GATB: variants seen among roughly 807,000 people sequenced by gnomAD.
GATB encodes the protein glutamyl-tRNA amidotransferase subunit B, also known as glutamyl-tRNA(Gln) amidotransferase subunit B, mitochondrial.
Under a neutral mutation model 62.3 loss-of-function variants are expected in GATB, and 39 were observed. The ratio of observed to expected loss-of-function variants is 0.63; its 90% CI spans 0.48 to 0.82. The LOEUF is 0.82. GATB is among the 40% of genes least tolerant of loss of function. The probability of loss-of-function intolerance (pLI) is 0.00; values close to 1 mark genes in which losing one functional copy is unlikely to be tolerated. For synonymous variants in GATB, 276 were observed against 258.9 expected, an observed-to-expected ratio of 1.07 and a Z score of -0.63; for missense variants, 670 against 684.0, an observed-to-expected ratio of 0.98 and a Z score of 0.23.
intron 2 of GATB, among the ~76,000 whole-genome samples, chr4:151,757,754 G>A (rs1739865110): frequency 6.6e-6 from 1 of 152,012 alleles, no homozygotes; most frequent in South Asian, 2.1e-4. Context: ...TGGGATTACA[G>A]GCGTGAGCCA....
rs1739561384 is a variant in GATB at position 151,744,699 on chromosome 4, A to T, written c.327+14073T>A. Among the ~76,000 whole-genome samples the T allele has an allele frequency of 2.0e-5, 3 of 152,206 alleles. No individual in the cohort carries two copies. In the South Asian group the frequency reaches 6.2e-4, roughly 31 times the overall value. Reference sequence around the variant, plus strand: ...GGTAGGGAAGTGAAAATTGCTGTGAAGAGAGAGGCTTTCAAGAACCCACTG... The same window carrying T: ...GGTAGGGAAGTGAAAATTGCTGTGATGAGAGAGGCTTTCAAGAACCCACTG... On this transcript the variant is annotated intron_variant, in intron 2 of 12. Transcript: ENST00000263985.
At chr4:151,755,343 T>C (rs1171319802) in intron 2 of GATB, among the ~76,000 whole-genome samples, 1 of 152,238 alleles carries the variant, frequency 6.6e-6, no homozygotes, top group Non-Finnish European at 1.5e-5. Context: ...AATGTTGTAC[T>C]GTACTGATGT....
chr4:151,723,852 ACAGTGG>A (rs1260869010), intron 2 of GATB: 5 of 152,258 alleles, frequency 3.3e-5, no homozygotes, highest in Non-Finnish European at 5.9e-5. Flanking sequence ...AGATAAATAC[ACAGTGG>A]GTGGCCAACA....
intron 10 of GATB, among the ~76,000 whole-genome samples, chr4:151,681,706 T>A (rs1391092718): frequency 6.6e-6 from 1 of 152,184 alleles, no homozygotes; most frequent in Non-Finnish European, 1.5e-5. Context: ...AAAGACGACA[T>A]GGCTTATAAA....
intron 5 of GATB, among the ~76,000 whole-genome samples, chr4:151,715,163 C>T (rs933752999): frequency 2.0e-5 from 3 of 152,222 alleles, no homozygotes; most frequent in African/African-American, 7.2e-5. Flanking sequence ...ATTTCCTGGG[C>T]ACCTGCTGTG....
Position 151,708,078 on chromosome 4 carries a change from T to G in GATB, c.787A>C (p.Asn263His). The part of the protein sequence containing the change: ...MAEGQLRVDA[N>H]ISVHHPGEPL... ...TCCCCAGGGTGATGCACGGATATAT[T>G]GGCATCCACTCTCAACTGGCCCTCT... Residue 263 changes from asparagine to histidine, a missense_variant, in exon 6 of 13, where the codon AAT becomes CAT. Asn to His is a moderately conservative substitution (Grantham distance 68). Transcript: ENST00000263985. 6.2e-7 allele frequency: 1 copy of G among 1,613,410 alleles called. No individual in the cohort carries two copies. The highest frequency in any genetic ancestry group is 8.5e-7 in the Non-Finnish European group (1 of 1,179,326).
chr4:151,681,016 A>G (rs1165363211), intron 10 of GATB, among the ~76,000 whole-genome samples: 4 of 152,224 alleles, frequency 2.6e-5, no homozygotes, highest in Non-Finnish European at 4.4e-5. Context: ...TTAGTGTTAC[A>G]CTGTGTAAAT....
chr4:151,672,930 G>A (rs1395302647), intron 11 of GATB, 34 bp from the exon 12 acceptor site: 7 of 1,611,200 alleles, frequency 4.3e-6, no homozygotes, highest in Non-Finnish European at 5.1e-6. Flanking sequence ...AAAGAGAAAT[G>A]AGAAGTCAGC....
intron 2 of GATB, chr4:151,724,523 C>T (rs756310325): frequency 9.9e-5 from 15 of 152,198 alleles, no homozygotes; most frequent in Non-Finnish European, 1.8e-4. Flanking sequence ...CTTCAATGCT[C>T]TTTGTGGTCT....
In GATB at chr4:151,672,821, G is replaced by C; in HGVS notation, c.1486C>G (p.Gln496Glu). 2 of 1,614,162 alleles carry C rather than the reference G, an allele frequency of 1.2e-6. No individual in the cohort carries two copies. Among genetic ancestry groups the C allele is most frequent in the Non-Finnish European group, 8.5e-7 (1 of 1,180,012 alleles). The change falls in exon 12 of 13, where the codon CAG becomes GAG. Residue 496 changes from glutamine to glutamate, a missense_variant. Physicochemically the swap from Gln to Glu is conservative, Grantham distance 29. Coordinates refer to ENST00000263985, the MANE Select transcript of GATB (RefSeq NM_004564.3). ...IVSEKQLELM[Q>E]DQGALEQLCH... ...AGCTGCTCCAGTGCCCCCTGGTCCTGCATCAGTTCAAGCTGCTTTTCTGAA... is the reference window on the plus strand; with the variant it reads ...AGCTGCTCCAGTGCCCCCTGGTCCTCCATCAGTTCAAGCTGCTTTTCTGAA...
chr4:151,713,987 T>A (rs1174017580), intron 5 of GATB, among the ~76,000 whole-genome samples: 2 of 152,230 alleles, frequency 1.3e-5, no homozygotes, highest in Admixed American at 1.3e-4. Flanking sequence ...AAATTAATTT[T>A]AAAATGCCTA....
intron 2 of GATB, among the ~76,000 whole-genome samples, chr4:151,741,046 C>A (rs896939583): frequency 1.3e-5 from 2 of 152,092 alleles, no homozygotes; most frequent in Non-Finnish European, 2.9e-5. Flanking sequence ...TACAGGAGTG[C>A]CCCCTTATCC....
At position 151,715,991 on chromosome 4, in the gene GATB, T is replaced by A. The variant is rs1421078304; in HGVS notation, c.763+18A>T. On this transcript the variant is annotated intron_variant, in intron 5 of 12. Transcript: ENST00000263985. ...GGAAGGGAGAGGGAAAGAAGAATAC[T>A]GCTTCTGTGGCTTCTACCTGCCATG... The A allele has an allele frequency of 6.2e-7, 1 of 1,612,240 alleles. No homozygotes were observed. Among genetic ancestry groups the A allele is most frequent in the Admixed American group, 1.7e-5 (1 of 59,842 alleles).
intron 5 of GATB, among the ~76,000 whole-genome samples, chr4:151,712,088 T>C (rs1324134042): frequency 6.6e-6 from 1 of 152,208 alleles, no homozygotes; most frequent in African/African-American, 2.4e-5. Context: ...AAAGCATCTT[T>C]CACAATTTAG....
At chr4:151,702,944 C>A (rs1738634973) in intron 8 of GATB, among the ~76,000 whole-genome samples, 1 of 152,150 alleles carries the variant, frequency 6.6e-6, no homozygotes, top group Non-Finnish European at 1.5e-5. Flanking sequence ...AAGCTTCCTG[C>A]AGCTCACTAT....
At chr4:151,703,213 A>G (rs905462304) in intron 8 of GATB, 28 of 152,530 alleles carry the variant, frequency 1.8e-4, no homozygotes, top group African/African-American at 6.5e-4. Context: ...TTTGATCCTC[A>G]TTGATAATAG....
chr4:151,730,281 G>C lies in GATB; in HGVS notation c.328-10743C>G, dbSNP rs565440448. On this transcript the variant is annotated intron_variant, in intron 2 of 12. Transcript: ENST00000263985. This position sits in a 1 kb window ranked among gnomAD's most constrained non-coding sequence, Gnocchi z 4.1. ...AGCAGCCGCAGCAAGACCCGCCCAA[G>C]GAGAGTCTGAGCTCAGACATGCCTA... Among the ~76,000 whole-genome samples the C allele has an allele frequency of 6.6e-6, 1 of 152,306 alleles. No homozygotes were observed. The highest frequency in any genetic ancestry group is 1.5e-5 in the Non-Finnish European group (1 of 68,022).
intron 2 of GATB, among the ~76,000 whole-genome samples, chr4:151,746,856 T>G (rs1047821223): frequency 6.6e-6 from 1 of 152,120 alleles, no homozygotes; most frequent in African/African-American, 2.4e-5. Context: ...TATACACACA[T>G]ACATTTATAT....
chr4:151,723,233 C>T (rs1739065283), intron 2 of GATB: 1 of 152,094 alleles, frequency 6.6e-6, no homozygotes, highest in East Asian at 1.9e-4. Context: ...GTGTGCTGCA[C>T]ATCACACACA....
Sources: allele counts gnomAD v4.1 joint callset (sites outside exome capture counted in the v4.1 genomes callset), GRCh38; gene constraint gnomAD v4.1.1; non-coding constraint Gnocchi (gnomAD v3.1); transcripts MANE v1.5; gene names NCBI Gene and HGNC (gene_info 2026-07-23, HGNC 2026-07-21).